Variants in ATP11A observed in about 807,000 individuals in gnomAD.
ATP11A encodes the protein ATPase phospholipid transporting 11A, also known as phospholipid-transporting ATPase IH.
ATP11A carries 81 observed loss-of-function variants against 154.4 expected under a neutral mutation model. That is an observed-to-expected ratio of 0.52 (90% CI 0.44 to 0.63). The LOEUF (loss-of-function observed/expected upper bound fraction) is 0.63, where lower values mean the gene tolerates loss of function less well. ATP11A is among the 30% of genes least tolerant of loss of function. The probability of loss-of-function intolerance (pLI) is 0.00; values close to 1 mark genes in which losing one functional copy is unlikely to be tolerated. For synonymous variants in ATP11A, 623 were observed against 585.9 expected (o/e 1.06, Z -0.91); for missense variants, 1,316 against 1,474.3 (o/e 0.89, Z 1.76).
chr13:112,736,730 G>A (rs905008893), intron 1 of ATP11A, among the ~76,000 whole-genome samples: 2 of 152,162 alleles, frequency 1.3e-5, no homozygotes, highest in Non-Finnish European at 2.9e-5. Flanking sequence ...TCCATTTTAG[G>A]CAGAGATGAC....
intron 2 of ATP11A, among the ~76,000 whole-genome samples, chr13:112,789,986 C>T (rs1303616514): frequency 1.3e-5 from 2 of 149,514 alleles, no homozygotes; most frequent in Admixed American, 1.3e-4. Context: ...GCGTGTAAAC[C>T]CCTGTGTAGA....
At chr13:112,740,154 A>ATATATCTCTC (rs1430761765) in intron 1 of ATP11A, among the ~76,000 whole-genome samples, 4 of 139,608 alleles carry the variant, frequency 2.9e-5, no homozygotes, top group African/African-American at 1.1e-4. Flanking sequence ...CTCTCTATAT[A>ATATATCTCTC]TATATATATA....
Position 112,696,178 on chromosome 13 carries a change from G to A in ATP11A, c.39+5723G>A, listed in dbSNP as rs557004630. On this transcript the variant is annotated intron_variant, in intron 1 of 29. Transcript: ENST00000375645. The surrounding 1 kb of genome is among the most constrained non-coding windows in gnomAD (Gnocchi z 6.2). ...TCTGTGCAGTGACGGGACAGGTCAC[G>A]GCGCTCGTGCACGCTGGGTGCCCAG... Among the ~76,000 whole-genome samples, 1 of 152,304 alleles carries A rather than the reference G, an allele frequency of 6.6e-6. No homozygotes were observed. The highest frequency in any genetic ancestry group is 1.5e-5 in the Non-Finnish European group (1 of 68,024).
At chr13:112,715,087 A>T (rs1888270352) in intron 1 of ATP11A, among the ~76,000 whole-genome samples, 1 of 152,162 alleles carries the variant, frequency 6.6e-6, no homozygotes, top group Non-Finnish European at 1.5e-5. Context: ...CCTGTGTTGT[A>T]GCCTGTATGA....
chr13:112,790,955 G>C lies in ATP11A; in HGVS notation c.162+5698G>C, dbSNP rs558200179. On this transcript the variant is annotated intron_variant, in intron 2 of 29. Transcript: ENST00000375645. Reference sequence around the variant, plus strand: ...GAAAAACAAAGTCCCAACCAGATAAGTCCTGTGGGTGGTTTCCCAGTCATG... The same window carrying C: ...GAAAAACAAAGTCCCAACCAGATAACTCCTGTGGGTGGTTTCCCAGTCATG... 2.6e-4 allele frequency among the ~76,000 whole-genome samples: 39 copies of C among 152,324 alleles called. 1 individual carries two copies. Among genetic ancestry groups the C allele is most frequent in the Admixed American group, 2.0e-4 (3 of 15,304 alleles).
At chr13:112,861,290 C>G (rs997632137) in intron 24 of ATP11A, among the ~76,000 whole-genome samples, 1 of 152,158 alleles carries the variant, frequency 6.6e-6, no homozygotes, top group East Asian at 1.9e-4. Context: ...CAGCCAAACC[C>G]TATCATAAAT....
At position 112,832,974 on chromosome 13, in the gene ATP11A, T is replaced by C. The variant is rs1370131348; in HGVS notation, c.1510T>C (p.Tyr504His). ...GCCGGACGGGGGGAAATCCTGTGTG[T>C]ACATCTCATCCTCGCCCGACGAGGT... ...KSPDGGKSCV[Y>H]ISSSPDEVAL... Residue 504 changes from tyrosine to histidine, a missense_variant, in exon 14 of 30, where the codon TAC becomes CAC. Tyr to His is a moderately conservative substitution (Grantham distance 83, BLOSUM62 2). Transcript: ENST00000375645. 6.2e-7 allele frequency: 1 copy of C among 1,613,710 alleles called. No individual in the cohort carries two copies. Among genetic ancestry groups the C allele is most frequent in the African/African-American group, 1.3e-5 (1 of 74,916 alleles).
At chr13:112,735,325 G>A (rs1317022993) in intron 1 of ATP11A, among the ~76,000 whole-genome samples, 4 of 152,260 alleles carry the variant, frequency 2.6e-5, no homozygotes, top group East Asian at 1.9e-4. Flanking sequence ...CCCGAAAGCC[G>A]GGCATTGCAT....
chr13:112,831,808 C>T (rs282619), intron 13 of ATP11A, among the ~76,000 whole-genome samples: 51,474 of 152,102 alleles, frequency 0.34, 9,309 homozygotes, highest in African/African-American at 0.46. Context: ...CATGTGCACA[C>T]GGACACACAT....
At chr13:112,783,130 C>T (rs746089697) in intron 1 of ATP11A, among the ~76,000 whole-genome samples, 4 of 152,118 alleles carry the variant, frequency 2.6e-5, no homozygotes, top group African/African-American at 7.2e-5. Context: ...AGCTCCTGTC[C>T]GGGACGTTCT....
chr13:112,705,593 C>A (rs1350802349), intron 1 of ATP11A, among the ~76,000 whole-genome samples: 2 of 152,142 alleles, frequency 1.3e-5, no homozygotes, highest in Non-Finnish European at 2.9e-5. Flanking sequence ...GGACGGGAAG[C>A]CGGCAGGGAC....
At chr13:112,863,733 C>G (rs182852175) in intron 25 of ATP11A, among the ~76,000 whole-genome samples, 7 of 97,948 alleles carry the variant, frequency 7.1e-5, no homozygotes, top group Admixed American at 1.2e-4. Flanking sequence ...TCACCACCTG[C>G]GCAGTAATTC....
rs146632559 is a variant in ATP11A, at chr13:112,823,308, C to T, written c.726-37C>T. 3.3e-4 allele frequency: 518 copies of T among 1,582,314 alleles called. 4 individuals are homozygous for T. The African/African-American group carries it at 5.9e-3, about 18-fold the overall frequency. On this transcript the variant is annotated intron_variant, in intron 8 of 29. Coordinates refer to ENST00000375645, the MANE Select transcript of ATP11A (RefSeq NM_015205.3). ...GCCCCCCGCCCTGCCCACTTGCCTT[C>T]GTGTCCGCATCATTTCTGATCATCG... is the stretch of plus-strand genomic sequence containing the variant.
chr13:112,761,611 G>A (rs757502031), intron 1 of ATP11A, among the ~76,000 whole-genome samples: 1 of 142,810 alleles, frequency 7.0e-6, no homozygotes, highest in Non-Finnish European at 1.5e-5. Flanking sequence ...ATAGGTTTGG[G>A]TACTATCTCG....
intron 1 of ATP11A, among the ~76,000 whole-genome samples, chr13:112,735,528 G>T (rs112202387): frequency 1.3e-4 from 20 of 152,182 alleles, no homozygotes; most frequent in Non-Finnish European, 2.4e-4. Flanking sequence ...TATGAATTCA[G>T]TGAAAAAGTA....
chr13:112,875,661 C>T lies in ATP11A; in HGVS notation c.3162-115C>T. 3.3e-6 allele frequency: 4 copies of T among 1,209,222 alleles called. No individual in the cohort carries two copies. The highest frequency in any genetic ancestry group is 5.1e-4 in the Middle Eastern group (2 of 3,932). 74.9% of individuals were successfully genotyped at this position (1,209,222 alleles called of 1,614,324 possible). A position where few individuals can be genotyped will look rare whatever the true frequency, so the allele number is the denominator to read the frequency against. On this transcript the variant is annotated intron_variant, in intron 27 of 29. Coordinates refer to ENST00000375645, the MANE Select transcript of ATP11A (RefSeq NM_015205.3). The surrounding 1 kb of genome is among the most constrained non-coding windows in gnomAD (Gnocchi z 4.1). ...AGAGCAGGCTCCGTGGCTTGCCAAG[C>T]AACTCTCACTGACAAAAGTGTAAAC...
intron 1 of ATP11A, among the ~76,000 whole-genome samples, chr13:112,718,256 A>G (rs187276038): frequency 5.9e-5 from 9 of 152,340 alleles, no homozygotes; most frequent in African/African-American, 2.2e-4. Flanking sequence ...TAAAAACAAT[A>G]TAGATATTAA....
rs369763079 is a variant in ATP11A at position 112,810,224 on chromosome 13, C to T, written c.334-395C>T. ...GGAAATGTAACTGGCTCCACGTCTT[C>T]GGGGCTTTTCGGTGTGGATGTGAAG... On this transcript the variant is annotated intron_variant, in intron 4 of 29. Coordinates refer to ENST00000375645, the MANE Select transcript of ATP11A (RefSeq NM_015205.3). 1.6e-4 allele frequency among the ~76,000 whole-genome samples: 24 copies of T among 152,330 alleles called. 1 individual carries two copies. The East Asian group carries it at 3.1e-3, about 20-fold the overall frequency.
intron 1 of ATP11A, among the ~76,000 whole-genome samples, chr13:112,758,548 C>T (rs894596851): frequency 6.6e-6 from 1 of 151,894 alleles, no homozygotes; most frequent in Non-Finnish European, 1.5e-5. Context: ...CTCAGCCTCC[C>T]GAGTAGCTGG....
Sources: gnomAD v4.1 joint callset for allele counts (sites outside exome capture counted in the v4.1 genomes callset) on GRCh38, gnomAD v4.1.1 for gene constraint, Gnocchi (gnomAD v3.1) non-coding constraint, MANE v1.5 for transcripts, NCBI Gene and HGNC (gene_info 2026-07-23, HGNC 2026-07-21) for gene names.